TMEM45B: variants seen among roughly 807,000 people sequenced by gnomAD.
TMEM45B encodes the protein transmembrane protein 45B.
TMEM45B carries 29 observed loss-of-function variants against 27.3 expected under a neutral mutation model. That is an observed-to-expected ratio of 1.06 (90% CI 0.79 to 1.45). The LOEUF is 1.45. TMEM45B is among the 40% of genes most tolerant of loss of function. The probability of loss-of-function intolerance (pLI) is 0.00; values close to 1 mark genes in which losing one functional copy is unlikely to be tolerated. For synonymous variants in TMEM45B, 143 were observed against 134.7 expected (o/e 1.06, Z -0.43); for missense variants, 348 against 343.9 (o/e 1.01, Z -0.09).
Position 129,858,612 on chromosome 11 carries a change from T to C in TMEM45B, c.755T>C (p.Ile252Thr), listed in dbSNP as rs1413176758. Residue 252 changes from isoleucine to threonine, a missense_variant, in exon 6 of 6, where the codon ATC (isoleucine) becomes ACC (threonine). Transcript: ENST00000281441. ...ATGAAGAGACACGGAAGGGGAGAAA[T>C]CATTGGAATTCAGAAGCTGAATTCA... ...TRMKRHGRGE[I>T]IGIQKLNSDD... is the part of the protein sequence containing the mutation. 12 of 1,587,686 alleles carry C rather than the reference T, an allele frequency of 7.6e-6. No individual in the cohort carries two copies. Among genetic ancestry groups the C allele is most frequent in the Middle Eastern group, 3.3e-4 (2 of 6,052 alleles).
intron 1 of TMEM45B, among the ~76,000 whole-genome samples, chr11:129,837,064 G>A (rs1207060418): frequency 2.0e-5 from 3 of 152,166 alleles, no homozygotes; most frequent in African/African-American, 7.2e-5. Flanking sequence ...TCTCAGCAAT[G>A]CCGAGGCTGT....
chr11:129,819,866 T>A (rs913866871), intron 1 of TMEM45B, among the ~76,000 whole-genome samples: 1 of 152,048 alleles, frequency 6.6e-6, no homozygotes, highest in Non-Finnish European at 1.5e-5. Context: ...TCCTTCTTTA[T>A]AATAAATAAT....
intron 1 of TMEM45B, among the ~76,000 whole-genome samples, chr11:129,835,123 G>A (rs544756047): frequency 2.6e-5 from 4 of 152,164 alleles, no homozygotes; most frequent in African/African-American, 9.7e-5. Flanking sequence ...GCTGCTCATA[G>A]TAAAATATGA....
rs188802749 is a variant in TMEM45B at position 129,822,112 on chromosome 11, A to G, written c.-9+6214A>G. ...TTTTAGTTCTAATAAATCTTCCAAC[A>G]ATGCTATTAAATGTTTACATTCTAC... On this transcript the variant is annotated intron_variant, in intron 1 of 5. Coordinates refer to ENST00000281441, the MANE Select transcript of TMEM45B (RefSeq NM_138788.5). 5.6e-3 allele frequency among the ~76,000 whole-genome samples: 854 copies of G among 152,254 alleles called. 13 individuals carry two copies. Among genetic ancestry groups the G allele is most frequent in the African/African-American group, 0.019 (801 of 41,548 alleles).
At chr11:129,833,545 C>T (rs1211859631) in intron 1 of TMEM45B, among the ~76,000 whole-genome samples, 3 of 152,226 alleles carry the variant, frequency 2.0e-5, no homozygotes, top group Admixed American at 1.3e-4. Flanking sequence ...GAGGCTGAGG[C>T]GGGTGGATCA....
chr11:129,817,139 T>C (rs1021929680), intron 1 of TMEM45B, among the ~76,000 whole-genome samples: 1 of 152,188 alleles, frequency 6.6e-6, no homozygotes, highest in African/African-American at 2.4e-5. Context: ...TAGGGTCGCA[T>C]AGCCTTCCAA....
At chr11:129,821,308 C>T (rs1203214441) in intron 1 of TMEM45B, among the ~76,000 whole-genome samples, 4 of 152,082 alleles carry the variant, frequency 2.6e-5, no homozygotes, top group East Asian at 1.9e-4. Flanking sequence ...GGGGAGGAAA[C>T]GCCAGGCCGC....
chr11:129,834,521 C>G (rs1269983005), intron 1 of TMEM45B, among the ~76,000 whole-genome samples: 3 of 151,646 alleles, frequency 2.0e-5, no homozygotes, highest in East Asian at 3.9e-4. Flanking sequence ...GTAGAGAAAG[C>G]ATCTATCAGC....
intron 1 of TMEM45B, among the ~76,000 whole-genome samples, chr11:129,829,842 C>A (rs1947527020): frequency 6.6e-6 from 1 of 152,180 alleles, no homozygotes; most frequent in South Asian, 2.1e-4. Flanking sequence ...ACAGTTTAAG[C>A]TGGTTATAGG....
At chr11:129,838,237 AT>A (rs1947648422) in intron 1 of TMEM45B, among the ~76,000 whole-genome samples, 1 of 152,206 alleles carries the variant, frequency 6.6e-6, no homozygotes, top group Admixed American at 6.5e-5. Context: ...CAGCCTCGAC[AT>A]TGCTGATACT....
intron 1 of TMEM45B, among the ~76,000 whole-genome samples, chr11:129,816,274 CG>C (rs1565360074): frequency 1.3e-5 from 2 of 152,138 alleles, no homozygotes; most frequent in African/African-American, 4.8e-5. Context: ...TGTGAAGCCC[CG>C]GGCCTCCGTC....
At chr11:129,849,393 A>G (rs1036140114) in intron 1 of TMEM45B, among the ~76,000 whole-genome samples, 3 of 152,174 alleles carry the variant, frequency 2.0e-5, no homozygotes, top group South Asian at 4.1e-4. Flanking sequence ...TGAGAATAAT[A>G]TTATCTGACT....
intron 1 of TMEM45B, among the ~76,000 whole-genome samples, chr11:129,820,344 G>T (rs1468157654): frequency 6.6e-6 from 1 of 152,070 alleles, no homozygotes; most frequent in African/African-American, 2.4e-5. Context: ...AACAAAATAG[G>T]AATTTTGTTA....
At chr11:129,837,777 CTTT>C (rs1159669879) in intron 1 of TMEM45B, among the ~76,000 whole-genome samples, 55 of 69,034 alleles carry the variant, frequency 8.0e-4, no homozygotes, top group African/African-American at 2.8e-3. Context: ...AGGCTAGTTT[CTTT>C]TTTTTTTTTT....
intron 5 of TMEM45B, 26 bp from the exon 6 acceptor site, chr11:129,858,548 T>C (rs1192191553): frequency 1.3e-6 from 2 of 1,529,626 alleles, no homozygotes; most frequent in South Asian, 1.2e-5. Context: ...TCTGGCTAAT[T>C]GGCTCTTACT....
chr11:129,830,471 GA>G (rs922178953), intron 1 of TMEM45B, among the ~76,000 whole-genome samples: 2 of 151,666 alleles, frequency 1.3e-5, no homozygotes, highest in African/African-American at 4.8e-5. Flanking sequence ...ACAAACAAAA[GA>G]AAAAAAACAG....
rs969177907 is a variant in TMEM45B, at chr11:129,859,795, G to C, written c.*1110G>C. On this transcript the variant is annotated 3_prime_UTR_variant, in exon 6 of 6. Transcript: ENST00000281441. The stretch of plus-strand genomic sequence containing the variant: ...GATCATGCCACTGTACTCCAGCCTA[G>C]GTGACAGAGCAAGACTCTGTCTCAA... 6.6e-6 allele frequency: 1 copy of C among 152,222 alleles called. No homozygotes were observed. Among genetic ancestry groups the C allele is most frequent in the Non-Finnish European group, 1.5e-5 (1 of 68,064 alleles). 9.4% of individuals were successfully genotyped at this position (152,222 alleles called of 1,614,324 possible). A position where few individuals can be genotyped will look rare whatever the true frequency, so the allele number is the denominator to read the frequency against.
chr11:129,847,653 A>G (rs1279883822), intron 1 of TMEM45B, among the ~76,000 whole-genome samples: 1 of 151,784 alleles, frequency 6.6e-6, no homozygotes, highest in Non-Finnish European at 1.5e-5. Context: ...CCCTTAATCC[A>G]TTTAACCCTG....
At position 129,855,908 on chromosome 11, in the gene TMEM45B, C is replaced by G; in HGVS notation, c.570+16C>G. On this transcript the variant is annotated intron_variant, in intron 4 of 5. Coordinates refer to ENST00000281441, the MANE Select transcript of TMEM45B (RefSeq NM_138788.5). ...GTTCTGGCAGGTGATTTTCCACACCCAGGCCCCTCGCTGGTCTGGATGGAG... is the reference window on the plus strand; with the variant it reads ...GTTCTGGCAGGTGATTTTCCACACCGAGGCCCCTCGCTGGTCTGGATGGAG... The G allele has an allele frequency of 6.2e-7, 1 of 1,613,556 alleles. No individual in the cohort carries two copies. Among genetic ancestry groups the G allele is most frequent in the Non-Finnish European group, 8.5e-7 (1 of 1,179,674 alleles).
Sources: gnomAD v4.1 joint callset for allele counts (sites outside exome capture counted in the v4.1 genomes callset) on GRCh38, gnomAD v4.1.1 for gene constraint, MANE v1.5 for transcripts, NCBI Gene and HGNC (gene_info 2026-07-23, HGNC 2026-07-21) for gene names.